Variants in DENND1B observed in about 807,000 individuals in gnomAD.
DENND1B encodes the protein DENN domain containing 1B.
In DENND1B, 59 loss-of-function variants were observed where a neutral mutation model predicts 90.1. That is an observed-to-expected ratio of 0.65 (90% confidence interval 0.53 to 0.81). The LOEUF (loss-of-function observed/expected upper bound fraction) is 0.81. Ranked by LOEUF, DENND1B falls within the 40% of genes least tolerant of loss-of-function variation. The pLI, the probability that DENND1B is intolerant of heterozygous loss-of-function variation, is 0.00. For missense variants in DENND1B, 862 were observed against 912.6 expected (o/e 0.94, Z 0.71); for synonymous variants, 337 against 324.6 (o/e 1.04, Z -0.41).
intron 12 of DENND1B, among the ~76,000 whole-genome samples, chr1:197,608,686 G>A (rs1032022932): frequency 2.0e-5 from 3 of 150,568 alleles, no homozygotes; most frequent in African/African-American, 7.3e-5. Context: ...GATAAAATGA[G>A]TTAGTCTGTA....
chr1:197,510,503 CT>C lies in DENND1B; in HGVS notation c.2284del (p.Ser762AlafsTer2). Reference sequence around the variant, plus strand: ...TGTGTTTTTGTCTGAAATGTTCAAGCTTTGTTGGAAGTCAGATGTCATATGA... The same window carrying C: ...TGTGTTTTTGTCTGAAATGTTCAAGCTTGTTGGAAGTCAGATGTCATATGA... ...LCHMTSDFQQ[S>X]LNISDKNTNG... On this transcript the variant is annotated frameshift_variant, in exon 23 of 23. Transcript: ENST00000620048. LOFTEE classifies it low-confidence loss of function (END_TRUNC). The C allele has an allele frequency of 6.2e-7, 1 of 1,610,834 alleles. No homozygotes were observed. The highest frequency in any genetic ancestry group is 8.5e-7 in the Non-Finnish European group (1 of 1,178,298).
intron 14 of DENND1B, among the ~76,000 whole-genome samples, chr1:197,592,033 C>A (rs999604651): frequency 7.0e-5 from 9 of 128,706 alleles, no homozygotes; most frequent in African/African-American, 2.6e-4. Context: ...GGCATGAACC[C>A]GGGAGGTGGA....
At position 197,714,406 on chromosome 1, in the gene DENND1B, A is replaced by G. The variant is rs181278669; in HGVS notation, c.126+625T>C. 8.4e-3 allele frequency among the ~76,000 whole-genome samples: 1,282 copies of G among 152,282 alleles called. 19 individuals are homozygous for G. The highest frequency in any genetic ancestry group is 0.028 in the African/African-American group (1,178 of 41,568). On this transcript the variant is annotated intron_variant, in intron 3 of 22. Coordinates refer to ENST00000620048, the MANE Select transcript of DENND1B (RefSeq NM_001195215.2). ...GTTTAAATGATTTTTCTATTTACAT[A>G]TATCATGTAAAACTACTGCATCATT... is the stretch of plus-strand genomic sequence containing the variant.
chr1:197,666,856 T>C (rs1395677888), intron 5 of DENND1B, among the ~76,000 whole-genome samples: 1 of 152,180 alleles, frequency 6.6e-6, no homozygotes, highest in East Asian at 1.9e-4. Context: ...CTTGGTTACA[T>C]AGTGAAATAA....
intron 13 of DENND1B, among the ~76,000 whole-genome samples, chr1:197,598,016 A>AT (rs1675865082): frequency 1.3e-5 from 2 of 151,994 alleles, no homozygotes; most frequent in Admixed American, 1.3e-4. Context: ...TATTTCTTTT[A>AT]TGATTTAATG....
chr1:197,664,028 C>CAG (rs903901953), intron 5 of DENND1B, among the ~76,000 whole-genome samples: 104 of 151,302 alleles, frequency 6.9e-4, no homozygotes, highest in Admixed American at 2.4e-3. Context: ...CACACACACA[C>CAG]AGAGAGAGAG....
chr1:197,753,454 G>A (rs934326389), intron 2 of DENND1B, among the ~76,000 whole-genome samples: 1 of 152,032 alleles, frequency 6.6e-6, no homozygotes, highest in Non-Finnish European at 1.5e-5. Context: ...AACTATTTCT[G>A]TTTGATACTA....
rs180871687 is a variant in DENND1B at position 197,609,729 on chromosome 1, T to C, written c.819+2202A>G. ...AAAAAAAAAATAGCAAAAACCGCAATTGATTTTGCACCAACCTAATAACAC... is the reference window on the plus strand; with the variant it reads ...AAAAAAAAAATAGCAAAAACCGCAACTGATTTTGCACCAACCTAATAACAC... On this transcript the variant is annotated intron_variant, in intron 12 of 22. Transcript: ENST00000620048. Among the ~76,000 whole-genome samples the C allele has an allele frequency of 2.2e-3, 330 of 150,048 alleles. 1 individual carries two copies. The highest frequency in any genetic ancestry group is 7.3e-3 in the African/African-American group (301 of 41,180).
chr1:197,552,377 G>T, intron 16 of DENND1B: 1 of 985,420 alleles, frequency 1.0e-6, no homozygotes, highest in South Asian at 4.7e-5. Context: ...AAAATGCTCT[G>T]CAAGTCAAGA....
chr1:197,506,970 A>G lies in DENND1B; in HGVS notation c.*3490T>C, dbSNP rs1016299139. 2 of 151,200 alleles carry G rather than the reference A, an allele frequency of 1.3e-5. No homozygotes were observed. The highest frequency in any genetic ancestry group is 2.4e-5 in the African/African-American group (1 of 41,316). The allele number at this position is 151,200 out of a possible 1,614,324, so 9.4% of individuals were successfully genotyped here. A position where few individuals can be genotyped will look rare whatever the true frequency, so the allele number is the denominator to read the frequency against. On this transcript the variant is annotated 3_prime_UTR_variant, in exon 23 of 23. Coordinates refer to ENST00000620048, the MANE Select transcript of DENND1B (RefSeq NM_001195215.2). Reference sequence around the variant, plus strand: ...AAAGAGTCTCTAAATCTGCCCCTTAAATGTGGGTATCTTAGCAGCATAATA... The same window carrying G: ...AAAGAGTCTCTAAATCTGCCCCTTAGATGTGGGTATCTTAGCAGCATAATA...
chr1:197,589,091 A>T (rs866298486), intron 14 of DENND1B, among the ~76,000 whole-genome samples: 1 of 152,124 alleles, frequency 6.6e-6, no homozygotes, highest in Admixed American at 6.6e-5. Context: ...GAATTTAAAT[A>T]CTTAGAAAAA....
chr1:197,537,797 AT>A (rs1022591646), intron 20 of DENND1B, among the ~76,000 whole-genome samples: 11 of 151,712 alleles, frequency 7.3e-5, no homozygotes, highest in African/African-American at 1.7e-4. Flanking sequence ...AGACTTTAAA[AT>A]TTTTTTTTAA....
At position 197,611,551 on chromosome 1, in the gene DENND1B, A is replaced by T. The variant is rs574194776; in HGVS notation, c.819+380T>A. 6.4e-4 allele frequency among the ~76,000 whole-genome samples: 97 copies of T among 150,844 alleles called. 4 individuals are homozygous for T. In the South Asian group the frequency reaches 0.02, roughly 31 times the overall value. ...CATAATGAAGTCTGCAAAATAAAAA[A>T]TTTTACTTCATGACTCATAAGTACA... On this transcript the variant is annotated intron_variant, in intron 12 of 22. Transcript: ENST00000620048.
intron 1 of DENND1B, among the ~76,000 whole-genome samples, chr1:197,773,315 C>G (rs1656853996): frequency 6.6e-6 from 1 of 152,114 alleles, no homozygotes; most frequent in Admixed American, 6.5e-5. Context: ...AATTTAAAAG[C>G]CAGAGTGTCC....
At chr1:197,671,303 C>G (rs972973821) in intron 5 of DENND1B, among the ~76,000 whole-genome samples, 1 of 152,064 alleles carries the variant, frequency 6.6e-6, no homozygotes, top group Admixed American at 6.6e-5. Flanking sequence ...CCTTTAGAAC[C>G]CTTTCTTCCT....
chr1:197,754,357 T>A (rs2102424956), intron 2 of DENND1B, among the ~76,000 whole-genome samples: 1 of 152,164 alleles, frequency 6.6e-6, no homozygotes, highest in East Asian at 1.9e-4. Flanking sequence ...ACATACACAG[T>A]CGGCCCATAT....
intron 16 of DENND1B, 185 bp downstream of exon 16, chr1:197,552,837 T>C: frequency 7.4e-7 from 1 of 1,350,724 alleles, no homozygotes; most frequent in Non-Finnish European, 9.4e-7. Flanking sequence ...ATGCCTTGAG[T>C]AACAGGTATC....
chr1:197,662,581 T>C (rs533754620), intron 5 of DENND1B, among the ~76,000 whole-genome samples: 16 of 152,008 alleles, frequency 1.1e-4, no homozygotes, highest in Non-Finnish European at 2.1e-4. Flanking sequence ...AAAAAATATA[T>C]ACTTTAAGTT....
chr1:197,556,207 G>A (rs1255814259), intron 15 of DENND1B, among the ~76,000 whole-genome samples: 1 of 151,998 alleles, frequency 6.6e-6, no homozygotes, highest in Non-Finnish European at 1.5e-5. Context: ...CAAATTGTGG[G>A]GAAAGGTGGG....
Sources: allele counts gnomAD v4.1 joint callset (sites outside exome capture counted in the v4.1 genomes callset), GRCh38; gene constraint gnomAD v4.1.1; transcripts MANE v1.5; gene names NCBI Gene and HGNC (gene_info 2026-07-23, HGNC 2026-07-21).